The following POTEE variants were observed in gnomAD, a reference collection of about 807,000 sequenced individuals.
POTEE encodes the protein ANKRD26-like family C member 1A.
POTEE carries 21 observed loss-of-function variants against 74.2 expected under a neutral mutation model. The observed-to-expected ratio is 0.28, with a 90% CI of 0.20 to 0.41. POTEE has a LOEUF of 0.41. Ranked by LOEUF, POTEE falls within the 10% of genes least tolerant of loss-of-function variation. The pLI is 1.00. For synonymous variants in POTEE, 211 were observed against 432.8 expected (o/e 0.49, Z 6.36); for missense variants, 525 against 1,158.6 (o/e 0.45, Z 7.94).
intron 2 of POTEE, among the ~76,000 whole-genome samples, chr2:131,212,042 T>A (rs1180225845): frequency 6.6e-6 from 1 of 151,960 alleles, no homozygotes; most frequent in Non-Finnish European, 1.5e-5. Flanking sequence ...TTCTATTTCA[T>A]GTTTCTATTC....
At chr2:131,216,081 A>C (rs1295836284) in intron 2 of POTEE, among the ~76,000 whole-genome samples, 1 of 152,104 alleles carries the variant, frequency 6.6e-6, no homozygotes, top group African/African-American at 2.4e-5. Context: ...TTCCATTTAT[A>C]ATAGCAACAA....
intron 9 of POTEE, among the ~76,000 whole-genome samples, chr2:131,233,625 T>C (rs928458834): frequency 7.4e-6 from 1 of 135,132 alleles, no homozygotes; most frequent in Non-Finnish European, 1.6e-5. Flanking sequence ...GTGTTATGCT[T>C]TTTTCATTTG....
At position 131,263,935 on chromosome 2, in the gene POTEE, T is replaced by TC; in HGVS notation, c.2481dup (p.Asn828GlnfsTer30). 1 of 1,614,118 alleles carries TC rather than the reference T, an allele frequency of 6.2e-7. No individual in the cohort carries two copies. Among genetic ancestry groups the TC allele is most frequent in the Admixed American group, 1.7e-5 (1 of 60,026 alleles). On this transcript the variant is annotated frameshift_variant, in exon 18 of 18. Coordinates refer to ENST00000683005, the MANE Select transcript of POTEE (RefSeq NM_001083538.3). LOFTEE classifies it high-confidence loss of function. ...ATGACCCAGATCATGTTTGAGACCT[T>TC]CAACACCCCAGCCATGTACGTGGCC...
At chr2:131,234,183 G>A (rs1191544382) in intron 9 of POTEE, among the ~76,000 whole-genome samples, 7 of 151,710 alleles carry the variant, frequency 4.6e-5, no homozygotes, top group African/African-American at 9.8e-5. Context: ...GATGAATATC[G>A]GAGTTGTTCC....
intron 13 of POTEE, among the ~76,000 whole-genome samples, chr2:131,248,272 G>A (rs1159626112): frequency 4.9e-5 from 6 of 122,928 alleles, no homozygotes; most frequent in Middle Eastern, 4.7e-3. Context: ...GTAAATGTTT[G>A]TGTTCCCAGT....
chr2:131,233,882 G>C lies in POTEE; in HGVS notation c.1127-2850G>C, dbSNP rs567259599. 4.7e-4 allele frequency among the ~76,000 whole-genome samples: 70 copies of C among 150,512 alleles called. 1 individual carries two copies. Among genetic ancestry groups the C allele is most frequent in the African/African-American group, 1.7e-3 (68 of 40,098 alleles). ...TAGTATTTAACCTGGATGTGAGGACGAAGGAGGAAATTTTCTGGTGAATAC... is the reference window on the plus strand; with the variant it reads ...TAGTATTTAACCTGGATGTGAGGACCAAGGAGGAAATTTTCTGGTGAATAC... On this transcript the variant is annotated intron_variant, in intron 9 of 17. Transcript: ENST00000683005.
intron 4 of POTEE, among the ~76,000 whole-genome samples, chr2:131,222,972 T>C (rs947757478): frequency 1.3e-5 from 2 of 151,928 alleles, no homozygotes; most frequent in East Asian, 1.9e-4. Flanking sequence ...AAGAGAATTA[T>C]TTAAATGCCG....
At chr2:131,221,133 C>G (rs1390269130) in intron 4 of POTEE, among the ~76,000 whole-genome samples, 1 of 152,132 alleles carries the variant, frequency 6.6e-6, no homozygotes, top group South Asian at 2.1e-4. Flanking sequence ...ATGCTTTTTA[C>G]TCATCAATTC....
intron 4 of POTEE, among the ~76,000 whole-genome samples, chr2:131,221,580 T>C (rs1213215601): frequency 1.3e-5 from 2 of 152,174 alleles, no homozygotes; most frequent in African/African-American, 4.8e-5. Context: ...GCAAATAATT[T>C]GTCACATTCT....
chr2:131,248,842 G>A (rs1217867953), intron 13 of POTEE, among the ~76,000 whole-genome samples: 1 of 151,460 alleles, frequency 6.6e-6, no homozygotes, highest in Non-Finnish European at 1.5e-5. Flanking sequence ...AGCAAATTCG[G>A]TCCTAGAGTG....
At chr2:131,260,567 T>G (rs1701677938) in intron 16 of POTEE, among the ~76,000 whole-genome samples, 1 of 149,398 alleles carries the variant, frequency 6.7e-6, no homozygotes, top group Non-Finnish European at 1.5e-5. Context: ...CTTCACACCT[T>G]TTTGAGCCAC....
At chr2:131,257,032 TAA>T (rs1215633951) in intron 16 of POTEE, among the ~76,000 whole-genome samples, 1 of 146,110 alleles carries the variant, frequency 6.8e-6, no homozygotes, top group Admixed American at 6.8e-5. Flanking sequence ...GATGTACAAA[TAA>T]AAGTTTCTTT....
chr2:131,230,043 A>G (rs2105088971), intron 8 of POTEE, among the ~76,000 whole-genome samples: 1 of 152,200 alleles, frequency 6.6e-6, no homozygotes, highest in South Asian at 2.1e-4. Context: ...ACTGGCTGAG[A>G]GTTTGAGTCT....
Position 131,226,945 on chromosome 2 carries a change from T to G in POTEE, c.917+16T>G, listed in dbSNP as rs1700801226. 1 of 1,610,934 alleles carries G rather than the reference T, an allele frequency of 6.2e-7. No individual in the cohort carries two copies. The highest frequency in any genetic ancestry group is 1.3e-5 in the African/African-American group (1 of 74,794). ...GATATGGAAGGTATAGTTCTTTCTT[T>G]TAATCTGTGTGTTCTAGATGGACAG... On this transcript the variant is annotated intron_variant, in intron 7 of 17. Transcript: ENST00000683005.
At chr2:131,231,636 A>G (rs1367041384) in intron 9 of POTEE, among the ~76,000 whole-genome samples, 1 of 152,048 alleles carries the variant, frequency 6.6e-6, no homozygotes, top group African/African-American at 2.4e-5. Flanking sequence ...TTGTTGGAAC[A>G]AGATGTGTTC....
At position 131,211,160 on chromosome 2, in the gene POTEE, G is replaced by C. The variant is rs1169408560; in HGVS notation, c.-212G>C. Among the ~76,000 whole-genome samples the C allele has an allele frequency of 6.6e-6, 1 of 151,588 alleles. No homozygotes were observed. Among genetic ancestry groups the C allele is most frequent in the South Asian group, 2.1e-4 (1 of 4,810 alleles). On this transcript the variant is annotated 5_prime_UTR_variant, in exon 2 of 18. Coordinates refer to ENST00000683005, the MANE Select transcript of POTEE (RefSeq NM_001083538.3). ...GCCTCGTGTGACTGATGGCAGCCAC[G>C]GAGACTGCAGCTCGACAGGAGTGGT...
chr2:131,226,112 G>A (rs1055654740), intron 6 of POTEE, among the ~76,000 whole-genome samples: 6 of 151,960 alleles, frequency 3.9e-5, no homozygotes, highest in African/African-American at 1.5e-4. Flanking sequence ...GTCAATTGAC[G>A]CTGTATTATG....
At position 131,263,956 on chromosome 2, in the gene POTEE, T is replaced by G. The variant is rs1203487706; in HGVS notation, c.2501T>G (p.Val834Gly). 1 of 1,614,026 alleles carries G rather than the reference T, an allele frequency of 6.2e-7. No homozygotes were observed. The highest frequency in any genetic ancestry group is 8.5e-7 in the Non-Finnish European group (1 of 1,180,000). ...ACCTTCAACACCCCAGCCATGTACG[T>G]GGCCATCCAGGCCGTGCCGTCCCTG... is the stretch of plus-strand genomic sequence containing the variant. ...FETFNTPAMY[V>G]AIQAVPSLYT... is the part of the protein sequence containing the mutation. The change falls in exon 18 of 18, where the codon GTG (valine) becomes GGG (glycine). Residue 834 changes from valine to glycine, a missense_variant. Val to Gly is a moderately radical substitution (Grantham distance 109). Coordinates refer to ENST00000683005, the MANE Select transcript of POTEE (RefSeq NM_001083538.3).
chr2:131,220,113 A>G (rs527875972), intron 4 of POTEE, among the ~76,000 whole-genome samples: 29 of 152,250 alleles, frequency 1.9e-4, no homozygotes, highest in African/African-American at 6.3e-4. Context: ...CACAAAAATA[A>G]GAGTATAGAT....
Sources: gnomAD v4.1 joint callset for allele counts (sites outside exome capture counted in the v4.1 genomes callset) on GRCh38, gnomAD v4.1.1 for gene constraint, MANE v1.5 for transcripts, NCBI Gene and HGNC (gene_info 2026-07-23, HGNC 2026-07-21) for gene names.